Variants in PTDSS1 observed in about 807,000 individuals in gnomAD.
PTDSS1 encodes phosphatidylserine synthase 1.
Under a neutral mutation model 70.5 loss-of-function variants are expected in PTDSS1, and 45 were observed. That is an observed-to-expected ratio of 0.64 (90% confidence interval 0.50 to 0.82). PTDSS1 has a LOEUF of 0.82. Among genes scored for constraint, PTDSS1 ranks in the 40% least tolerant of loss-of-function variants. PTDSS1 has a pLI of 0.00. For synonymous variants in PTDSS1, 188 were observed against 203.8 expected (o/e 0.92, Z 0.66); for missense variants, 417 against 586.1 (o/e 0.71, Z 2.98).
intron 4 of PTDSS1, 173 bp downstream of exon 4, chr8:96,287,319 T>C (rs1486700175): frequency 3.7e-6 from 3 of 816,950 alleles, no homozygotes; most frequent in African/African-American, 1.7e-5. Flanking sequence ...GGTGATAGAG[T>C]TCAGGGAAAG....
chr8:96,327,934 TTGC>T (rs1811461143), intron 10 of PTDSS1, among the ~76,000 whole-genome samples: 1 of 152,200 alleles, frequency 6.6e-6, no homozygotes, highest in Non-Finnish European at 1.5e-5. Context: ...ACAGGTGTGA[TTGC>T]AAACCTGTAA....
rs1811574727 is a variant in PTDSS1 at position 96,334,965 on chromosome 8, T to TTG, written c.*1400_*1401insGT. Reference sequence around the variant, plus strand: ...TTTAGCCATAGAAGTGTCACTTTTTTTTTTTCTGCAAAAGAATTCCAAGAT... The same window carrying TTG: ...TTTAGCCATAGAAGTGTCACTTTTTTTGTTTTTCTGCAAAAGAATTCCAAGAT... On this transcript the variant is annotated 3_prime_UTR_variant, in exon 13 of 13. Transcript: ENST00000517309. 6.6e-6 allele frequency: 1 copy of TTG among 152,344 alleles called. No homozygotes were observed. The highest frequency in any genetic ancestry group is 1.9e-4 in the East Asian group (1 of 5,184). The allele number at this position is 152,344 out of a possible 1,614,324, so 9.4% of individuals were successfully genotyped here.
intron 9 of PTDSS1, among the ~76,000 whole-genome samples, chr8:96,315,666 C>T (rs960105118): frequency 1.3e-5 from 2 of 152,162 alleles, no homozygotes; most frequent in African/African-American, 4.8e-5. Flanking sequence ...AGCCCTAGGT[C>T]AGGAATCTCT....
rs566046575 is a variant in PTDSS1, at chr8:96,325,557, A to T, written c.1174-4656A>T. ...CACTCTTCGAATCAGCCAGTCACTA[A>T]GATCTGTTAATTTGACAATGCAGCT... On this transcript the variant is annotated intron_variant, in intron 10 of 12. Transcript: ENST00000517309. Among the ~76,000 whole-genome samples, 3 of 152,244 alleles carry T rather than the reference A, an allele frequency of 2.0e-5. No individual in the cohort carries two copies. In the East Asian group the frequency reaches 5.8e-4, roughly 29 times the overall value.
intron 4 of PTDSS1, among the ~76,000 whole-genome samples, chr8:96,294,020 A>G (rs1481303799): frequency 1.3e-5 from 2 of 152,202 alleles, no homozygotes; most frequent in African/African-American, 2.4e-5. Flanking sequence ...TTAAAGCCTT[A>G]TCTTGACTTA....
chr8:96,292,101 A>G (rs1182548722), intron 4 of PTDSS1, among the ~76,000 whole-genome samples: 1 of 152,040 alleles, frequency 6.6e-6, no homozygotes, highest in Non-Finnish European at 1.5e-5. Context: ...GTTTGAGACC[A>G]TGTTTGAGAC....
At chr8:96,302,862 A>T (rs1004319586) in intron 6 of PTDSS1, among the ~76,000 whole-genome samples, 1 of 152,158 alleles carries the variant, frequency 6.6e-6, no homozygotes, top group African/African-American at 2.4e-5. Context: ...GATTAGAGGC[A>T]TGAGCCACCA....
At chr8:96,287,931 G>A (rs546206568) in intron 4 of PTDSS1, among the ~76,000 whole-genome samples, 184 of 152,128 alleles carry the variant, frequency 1.2e-3, no homozygotes, top group Non-Finnish European at 1.9e-3. Context: ...TGGAGTTAGC[G>A]TCAGATCCCA....
At position 96,333,926 on chromosome 8, in the gene PTDSS1, C is replaced by A. The variant is rs569959271; in HGVS notation, c.*360C>A. On this transcript the variant is annotated 3_prime_UTR_variant, in exon 13 of 13. Transcript: ENST00000517309. ...TGCAGCGTAAACATCTTCCTTCAGA[C>A]GAGGCATTAACCCCATGGTTAATGG... The A allele has an allele frequency of 8.6e-6, 5 of 580,314 alleles. No individual in the cohort carries two copies. The highest frequency in any genetic ancestry group is 7.5e-5 in the African/African-American group (4 of 53,664). The allele number at this position is 580,314 out of a possible 1,614,324, so 35.9% of individuals were successfully genotyped here.
rs1409819837 is a variant in PTDSS1, at chr8:96,263,937, TGTAA to T, written c.179+1721_179+1724del. 3.6e-4 allele frequency among the ~76,000 whole-genome samples: 55 copies of T among 152,256 alleles called. 1 individual carries two copies. The highest frequency in any genetic ancestry group is 3.2e-3 in the Admixed American group (49 of 15,288). ...TTCATTTGACTCTTGGTTCTTGTTA[TGTAA>T]GTGTTTATCCATTTGAAAGAATCTA... On this transcript the variant is annotated intron_variant, in intron 1 of 12. Coordinates refer to ENST00000517309, the MANE Select transcript of PTDSS1 (RefSeq NM_014754.3).
intron 8 of PTDSS1, among the ~76,000 whole-genome samples, chr8:96,307,473 A>C (rs956764820): frequency 1.6e-4 from 24 of 149,390 alleles, no homozygotes; most frequent in Admixed American, 6.6e-4. Flanking sequence ...AAAAAAAAAA[A>C]AAAAAACCTC....
intron 1 of PTDSS1, among the ~76,000 whole-genome samples, chr8:96,267,115 T>A (rs144531332): frequency 1.3e-5 from 2 of 152,232 alleles, no homozygotes; most frequent in African/African-American, 4.8e-5. Context: ...TATTACCAGA[T>A]GTAACACAAT....
intron 10 of PTDSS1, among the ~76,000 whole-genome samples, chr8:96,326,357 A>G (rs930654926): frequency 6.7e-6 from 1 of 149,844 alleles, no homozygotes; most frequent in African/African-American, 2.5e-5. Flanking sequence ...ACCCCAGTGC[A>G]GTGGAATTTG....
At chr8:96,289,372 C>T (rs1810870390) in intron 4 of PTDSS1, among the ~76,000 whole-genome samples, 1 of 152,150 alleles carries the variant, frequency 6.6e-6, no homozygotes, top group South Asian at 2.1e-4. Context: ...CTCATTAGAA[C>T]AAAAGATGCT....
In PTDSS1 at chr8:96,283,922, G is replaced by T. The variant is rs9969443; in HGVS notation, c.272-187G>T. Among the ~76,000 whole-genome samples, 13,503 of 151,324 alleles carry T rather than the reference G, an allele frequency of 0.089. 1,929 individuals are homozygous for T. The highest frequency in any genetic ancestry group is 0.3 in the African/African-American group (12,358 of 41,186). On this transcript the variant is annotated intron_variant, in intron 2 of 12. Coordinates refer to ENST00000517309, the MANE Select transcript of PTDSS1 (RefSeq NM_014754.3). The stretch of plus-strand genomic sequence containing the variant: ...GCCTGTGATGATTGTGGTGACAGTC[G>T]TTATAATGTGGAGAAAACATTTCAA...
At chr8:96,320,426 CTT>C (rs1315657363) in intron 10 of PTDSS1, 81 bp downstream of exon 10, 4 of 1,237,204 alleles carry the variant, frequency 3.2e-6, no homozygotes, top group Non-Finnish European at 3.5e-6. Flanking sequence ...AAGAAACCCT[CTT>C]GTGTATCAAA....
intron 6 of PTDSS1, among the ~76,000 whole-genome samples, chr8:96,301,002 AT>A (rs925757981): frequency 6.6e-6 from 1 of 152,206 alleles, no homozygotes; most frequent in Admixed American, 6.5e-5. Flanking sequence ...CACACATAAA[AT>A]TGTGTGATAC....
intron 10 of PTDSS1, among the ~76,000 whole-genome samples, chr8:96,322,178 C>G (rs1420108693): frequency 1.3e-5 from 2 of 152,186 alleles, no homozygotes; most frequent in African/African-American, 4.8e-5. Flanking sequence ...ACCACTGCCC[C>G]CTGGGCAGCA....
At chr8:96,267,389 C>G (rs1265584710) in intron 1 of PTDSS1, among the ~76,000 whole-genome samples, 1 of 152,206 alleles carries the variant, frequency 6.6e-6, no homozygotes, top group Non-Finnish European at 1.5e-5. Flanking sequence ...GGACTGTTCT[C>G]TTTCCGTTCC....
Sources: allele counts gnomAD v4.1 joint callset (sites outside exome capture counted in the v4.1 genomes callset), GRCh38; gene constraint gnomAD v4.1.1; transcripts MANE v1.5; gene names NCBI Gene and HGNC (gene_info 2026-07-23, HGNC 2026-07-21).